Variants in MEI4 observed in about 807,000 individuals in gnomAD.
The protein encoded by MEI4 is meiotic double-stranded break formation protein 4, also known as meiosis-specific protein MEI4.
MEI4 carries 27 observed loss-of-function variants against 31.4 expected under a neutral mutation model. The ratio of observed to expected loss-of-function variants is 0.86; its 90% CI spans 0.63 to 1.19. The LOEUF is 1.19. Ranked by LOEUF, MEI4 falls within the 50% of genes most tolerant of loss-of-function variation. MEI4 has a pLI of 0.00. For missense variants in MEI4, 329 were observed against 398.9 expected (o/e 0.82, Z 1.49); for synonymous variants, 122 against 145.4 (o/e 0.84, Z 1.16).
chr6:77,798,383 A>G (rs1769142464), intron 3 of MEI4, among the ~76,000 whole-genome samples: 1 of 151,648 alleles, frequency 6.6e-6, no homozygotes, highest in South Asian at 2.1e-4. Flanking sequence ...ATTAAAATAA[A>G]TATGAAGGAG....
Position 77,855,091 on chromosome 6 carries a change from C to G in MEI4, c.900+26029C>G, listed in dbSNP as rs186735556. ...TGGTGGCTCATACTTGTAATCCCAG[C>G]CAGCACGTTGGGAGGCCAAGGCGGG... On this transcript the variant is annotated intron_variant, in intron 4 of 4. Coordinates refer to ENST00000684080, the MANE Select transcript of MEI4 (RefSeq NM_001322247.2). Among the ~76,000 whole-genome samples, 707 of 152,172 alleles carry G rather than the reference C, an allele frequency of 4.6e-3. 5 individuals are homozygous for G. Among genetic ancestry groups the G allele is most frequent in the African/African-American group, 0.017 (690 of 41,504 alleles).
At chr6:77,917,711 G>C (rs1197530907) in intron 4 of MEI4, among the ~76,000 whole-genome samples, 2 of 145,532 alleles carry the variant, frequency 1.4e-5, no homozygotes, top group Admixed American at 1.4e-4. Context: ...CTCCCATTTT[G>C]TAGGTTGCCT....
chr6:77,867,761 T>A (rs1010736248), intron 4 of MEI4, among the ~76,000 whole-genome samples: 1 of 152,150 alleles, frequency 6.6e-6, no homozygotes, highest in African/African-American at 2.4e-5. Flanking sequence ...TAAAGACACA[T>A]GCACACGTGT....
chr6:77,859,953 A>T (rs540632197), intron 4 of MEI4, among the ~76,000 whole-genome samples: 1 of 152,320 alleles, frequency 6.6e-6, no homozygotes, highest in East Asian at 1.9e-4. Flanking sequence ...AACTGATTTT[A>T]TTAGCTTTTA....
In MEI4 at chr6:77,812,125, C is replaced by CT. The variant is rs571956535; in HGVS notation, c.769-16798dup. ...TATAGCTAAAATACGTGGCTTGTAA[C>CT]TTTTTTTTGGTTTTATTTTTTCCTA... On this transcript the variant is annotated intron_variant, in intron 3 of 4. Coordinates refer to ENST00000684080, the MANE Select transcript of MEI4 (RefSeq NM_001322247.2). Among the ~76,000 whole-genome samples the CT allele has an allele frequency of 1.4e-3, 215 of 151,834 alleles. 1 individual carries two copies. Among genetic ancestry groups the CT allele is most frequent in the African/African-American group, 4.5e-3 (188 of 41,444 alleles).
chr6:77,869,530 G>GCCGT (rs1315688285), intron 4 of MEI4, among the ~76,000 whole-genome samples: 1 of 152,086 alleles, frequency 6.6e-6, no homozygotes. Flanking sequence ...CAACAGAAGG[G>GCCGT]CCGTCATCTG....
At chr6:77,879,194 TTAAG>T (rs1444260312) in intron 4 of MEI4, among the ~76,000 whole-genome samples, 11 of 152,286 alleles carry the variant, frequency 7.2e-5, no homozygotes, top group South Asian at 2.1e-4. Context: ...TTTTCTCATA[TTAAG>T]TAATTAAATA....
At chr6:77,669,789 T>A (rs538185053) in intron 1 of MEI4, among the ~76,000 whole-genome samples, 1 of 152,354 alleles carries the variant, frequency 6.6e-6, no homozygotes, top group East Asian at 1.9e-4. Context: ...AACTCTATGA[T>A]GTAGCTTTTG....
intron 3 of MEI4, among the ~76,000 whole-genome samples, chr6:77,816,487 C>G (rs1012802433): frequency 1.3e-5 from 2 of 151,868 alleles, no homozygotes; most frequent in African/African-American, 2.4e-5. Flanking sequence ...TTTTTATGGC[C>G]GCATAGTATT....
At chr6:77,762,402 A>T (rs1768066215) in intron 3 of MEI4, among the ~76,000 whole-genome samples, 1 of 152,060 alleles carries the variant, frequency 6.6e-6, no homozygotes, top group East Asian at 1.9e-4. Flanking sequence ...TTTTCATATT[A>T]TTTCTGCCTT....
At chr6:77,890,780 G>A (rs147603095) in intron 4 of MEI4, among the ~76,000 whole-genome samples, 13 of 152,282 alleles carry the variant, frequency 8.5e-5, no homozygotes, top group Middle Eastern at 3.4e-3. Flanking sequence ...CATGGTGGCA[G>A]TTACCCTCAT....
chr6:77,831,435 C>T (rs1416483658), intron 4 of MEI4, among the ~76,000 whole-genome samples: 1 of 151,566 alleles, frequency 6.6e-6, no homozygotes, highest in Non-Finnish European at 1.5e-5. Context: ...TACCGGCACT[C>T]ACATGCTCAC....
intron 4 of MEI4, among the ~76,000 whole-genome samples, chr6:77,906,905 G>C (rs1432441720): frequency 6.6e-6 from 1 of 152,114 alleles, no homozygotes; most frequent in African/African-American, 2.4e-5. Flanking sequence ...CAAAGCATGG[G>C]TATGCTCAAG....
At chr6:77,799,376 G>T (rs1391642243) in intron 3 of MEI4, among the ~76,000 whole-genome samples, 1 of 151,954 alleles carries the variant, frequency 6.6e-6, no homozygotes, top group Non-Finnish European at 1.5e-5. Context: ...TGAGTTCATT[G>T]TAGATTCTGG....
intron 1 of MEI4, among the ~76,000 whole-genome samples, chr6:77,654,534 G>A (rs957200881): frequency 1.8e-4 from 13 of 71,792 alleles, no homozygotes; most frequent in African/African-American, 5.9e-4. Context: ...GATTGAATAT[G>A]TTTAAAAAAT....
chr6:77,824,237 G>A (rs982360169), intron 3 of MEI4, among the ~76,000 whole-genome samples: 4 of 152,034 alleles, frequency 2.6e-5, no homozygotes, highest in South Asian at 2.1e-4. Context: ...TTACAGGCGC[G>A]TGCCACCATC....
chr6:77,714,085 A>G (rs138163364), intron 2 of MEI4, among the ~76,000 whole-genome samples: 3 of 152,302 alleles, frequency 2.0e-5, no homozygotes, highest in East Asian at 1.9e-4. Flanking sequence ...GTATGGCTAC[A>G]TAGTAGTCCA....
chr6:77,736,373 T>A (rs1188751844), intron 2 of MEI4, among the ~76,000 whole-genome samples: 1 of 152,074 alleles, frequency 6.6e-6, no homozygotes, highest in African/African-American at 2.4e-5. Flanking sequence ...AAGCGCAGTA[T>A]TTGGGTGGGA....
chr6:77,876,988 T>C (rs1031619128), intron 4 of MEI4, among the ~76,000 whole-genome samples: 6 of 152,116 alleles, frequency 3.9e-5, no homozygotes, highest in Middle Eastern at 3.2e-3. Context: ...TTAATACAAG[T>C]CTTCTATTAA....
Sources: allele counts gnomAD v4.1 joint callset (sites outside exome capture counted in the v4.1 genomes callset), GRCh38; gene constraint gnomAD v4.1.1; transcripts MANE v1.5; gene names NCBI Gene and HGNC (gene_info 2026-07-23, HGNC 2026-07-21).